DUOX1: variants seen among roughly 807,000 people sequenced by gnomAD.
The protein encoded by DUOX1 is NADPH thyroid oxidase 1.
A neutral mutation model predicts 181.8 loss-of-function variants in DUOX1; 134 were observed. That is an observed-to-expected ratio of 0.74 (90% CI 0.64 to 0.85). The LOEUF (loss-of-function observed/expected upper bound fraction) is 0.85. DUOX1 is among the 40% of genes least tolerant of loss of function. DUOX1 has a pLI of 0.00. For missense variants in DUOX1, 1,814 were observed against 2,064.4 expected, an observed-to-expected ratio of 0.88 and a Z score of 2.35; for synonymous variants, 798 against 832.5, an observed-to-expected ratio of 0.96 and a Z score of 0.71.
At chr15:45,163,419 T>G (rs1325383380) in intron 31 of DUOX1, 113 bp from the exon 32 acceptor site, 6 of 1,479,510 alleles carry the variant, frequency 4.1e-6, no homozygotes, top group Non-Finnish European at 4.6e-6. Context: ...CCAGGCTGTC[T>G]AGGGAAGGGC....
chr15:45,133,991 G>A lies in DUOX1; in HGVS notation c.142+44G>A, dbSNP rs370837543. ...GGGATAGAACCCCAGGGCCAGGGGG[G>A]TACTGAGTGCTGCGGGGCAAGAGCT... On this transcript the variant is annotated intron_variant, in intron 3 of 33. Transcript: ENST00000389037. The A allele has an allele frequency of 5.7e-5, 91 of 1,605,614 alleles. No individual in the cohort carries two copies. The Admixed American group carries it at 7.9e-4, about 14-fold the overall frequency.
At chr15:45,135,079 G>A (rs34343605) in intron 4 of DUOX1, 25 bp from the exon 5 acceptor site, 5 of 1,607,412 alleles carry the variant, frequency 3.1e-6, no homozygotes, top group East Asian at 2.3e-5. Context: ...GCTTGCCCTA[G>A]CACCCCCTCC....
Position 45,148,441 on chromosome 15 carries a change from G to A in DUOX1, c.2812G>A (p.Val938Ile). The A allele has an allele frequency of 6.2e-7, 1 of 1,611,162 alleles. No homozygotes were observed. Among genetic ancestry groups the A allele is most frequent in the Non-Finnish European group, 8.5e-7 (1 of 1,177,970 alleles). Residue 938 changes from valine (V) to isoleucine (I), a missense_variant, in exon 21 of 34, where the codon GTC (valine) becomes ATC (isoleucine). Physicochemically the swap from Val to Ile is conservative, Grantham distance 29. Around this residue, in one of 5 missense-constraint regions of DUOX1, gnomAD observed 1,064 missense variants for 1,152.9 expected, o/e 0.92. Transcript: ENST00000389037. ...CGAGCTCCGCTTCACGCAGCTCTGTGTCAAAGGTGGGGCAGCCTGGTAGGC... is the reference window on the plus strand; with the variant it reads ...CGAGCTCCGCTTCACGCAGCTCTGTATCAAAGGTGGGGCAGCCTGGTAGGC... ...NSELRFTQLC[V>I]KGVEVPEVIK...
At chr15:45,158,242 C>CT (rs1482887665) in intron 28 of DUOX1, among the ~76,000 whole-genome samples, 1 of 152,160 alleles carries the variant, frequency 6.6e-6, no homozygotes, top group African/African-American at 2.4e-5. Flanking sequence ...CTCAGAAAGC[C>CT]TTAGGGGTGG....
chr15:45,148,072 A>G, intron 20 of DUOX1, 75 bp downstream of exon 20: 2 of 1,457,116 alleles, frequency 1.4e-6, no homozygotes, highest in African/African-American at 1.4e-5. Context: ...CCTGAAGGAG[A>G]GAGCAGAAGG....
chr15:45,152,259 G>A (rs750680507), intron 24 of DUOX1, 27 bp from the exon 25 acceptor site: 8 of 1,599,566 alleles, frequency 5.0e-6, no homozygotes, highest in Non-Finnish European at 6.0e-6. Flanking sequence ...ACTGACCCTC[G>A]CTTGCCTGCC....
chr15:45,151,320 T>G (rs1004528974), intron 23 of DUOX1, 72 bp downstream of exon 23: 1 of 1,568,754 alleles, frequency 6.4e-7, no homozygotes, highest in Non-Finnish European at 8.7e-7. Flanking sequence ...TTTTCCTTGG[T>G]GCCAGGCACT....
chr15:45,151,875 G>A lies in DUOX1; in HGVS notation c.3016G>A (p.Val1006Ile), dbSNP rs1355065931. Residue 1006 changes from valine (V) to isoleucine (I), a missense_variant and splice_region_variant, in exon 24 of 34, where the codon GTA (valine) becomes ATA (isoleucine). By Grantham distance (29) the Val-to-Ile change is conservative. Around this residue, in one of 5 missense-constraint regions of DUOX1, gnomAD observed 1,064 missense variants for 1,152.9 expected, o/e 0.92. Transcript: ENST00000389037. ...QEIRRRFGKK[V>I]TSFQPLLFTE... ...AGGCTAAGGCTTCCTGTCTCCCAGG[G>A]TAACGTCATTCCAGCCCTTGCTGTT... The A allele has an allele frequency of 1.2e-6, 2 of 1,611,550 alleles. No individual in the cohort carries two copies. The highest frequency in any genetic ancestry group is 2.7e-5 in the African/African-American group (2 of 74,728).
intron 33 of DUOX1, 135 bp from the exon 34 acceptor site, chr15:45,164,643 TA>T: frequency 2.1e-6 from 2 of 956,380 alleles, no homozygotes; most frequent in Non-Finnish European, 3.2e-6. Context: ...TAATTAAAAA[TA>T]AAAAAATTAG....
In DUOX1 at chr15:45,164,774, A is replaced by G; in HGVS notation, c.4534-5A>G. 1.2e-6 allele frequency: 2 copies of G among 1,614,212 alleles called. No homozygotes were observed. The highest frequency in any genetic ancestry group is 1.7e-6 in the Non-Finnish European group (2 of 1,180,028). ...GTTAGCCTCCACTTATTCCTCCTGCAACAGGTCCGGAAGATCGGGGTGTTT... is the reference window on the plus strand; with the variant it reads ...GTTAGCCTCCACTTATTCCTCCTGCGACAGGTCCGGAAGATCGGGGTGTTT... On this transcript the variant is annotated splice_polypyrimidine_tract_variant and splice_region_variant and intron_variant, in intron 33 of 33. Coordinates refer to ENST00000389037, the MANE Select transcript of DUOX1 (RefSeq NM_175940.3).
At chr15:45,139,919 G>A (rs949668077) in intron 12 of DUOX1, 5 of 638,364 alleles carry the variant, frequency 7.8e-6, no homozygotes, top group Non-Finnish European at 1.4e-5. Context: ...CTTGACTTAG[G>A]AACAATCTGT....
At position 45,134,259 on chromosome 15, in the gene DUOX1, C is replaced by T. The variant is rs2141251734; in HGVS notation, c.257C>T (p.Pro86Leu). ...CTTAGCAACACCATCTCAAGGGGCC[C>T]TGCAGGGCTGGCCTCCCTGAGAAAC... is the stretch of plus-strand genomic sequence containing the variant. ...RDLSNTISRG[P>L]AGLASLRNRT... is the part of the protein sequence containing the mutation. Residue 86 changes from proline (P) to leucine (L), a missense_variant, in exon 4 of 34, where the codon CCT becomes CTT. By Grantham distance (98) the Pro-to-Leu change is moderately conservative. This residue lies in a region of DUOX1 where 320 missense variants were observed against 313.1 expected (regional missense o/e 1.02). Transcript: ENST00000389037. 6.2e-7 allele frequency: 1 copy of T among 1,600,420 alleles called. No homozygotes were observed.
rs1310843441 is a variant in DUOX1, at chr15:45,135,219, C to A, written c.423C>A (p.Asp141Glu). 2.5e-6 allele frequency: 4 copies of A among 1,613,456 alleles called. No individual in the cohort carries two copies. In the African/African-American group the frequency reaches 5.3e-5, roughly 22 times the overall value. Reference sequence around the variant, plus strand: ...TGTTCGACCCCGACCAGCGCGGGGACGTGGTGCTGCCCTTCCAGAGAAGCC... The same window carrying A: ...TGTTCGACCCCGACCAGCGCGGGGAAGTGGTGCTGCCCTTCCAGAGAAGCC... ...DPMFDPDQRG[D>E]VVLPFQRSRW... Residue 141 changes from aspartate (D) to glutamate (E), a missense_variant, in exon 5 of 34, where the codon GAC becomes GAA. Around this residue, in one of 5 missense-constraint regions of DUOX1, gnomAD observed 320 missense variants for 313.1 expected, o/e 1.02. Transcript: ENST00000389037.
chr15:45,141,025 G>C lies in DUOX1; in HGVS notation c.1520G>C (p.Arg507Pro). Residue 507 changes from arginine to proline, a missense_variant, in exon 13 of 34, where the codon CGG becomes CCG. This residue lies in a region of DUOX1 where 1,064 missense variants were observed against 1,152.9 expected (regional missense o/e 0.92). Coordinates refer to ENST00000389037, the MANE Select transcript of DUOX1 (RefSeq NM_175940.3). Reference protein sequence around the residue: ...FSTIVLEQFVRLRDGDRYWFE... With the variant: ...FSTIVLEQFVPLRDGDRYWFE... Reference sequence around the variant, plus strand: ...ACCATCGTCCTTGAACAATTTGTGCGGCTACGGGATGGTGACCGCTACTGG... The same window carrying C: ...ACCATCGTCCTTGAACAATTTGTGCCGCTACGGGATGGTGACCGCTACTGG... 6.2e-7 allele frequency: 1 copy of C among 1,614,170 alleles called. No homozygotes were observed.
intron 16 of DUOX1, among the ~76,000 whole-genome samples, 200 bp from the exon 17 acceptor site, chr15:45,143,836 T>C (rs62025132): frequency 0.2 from 29,818 of 152,196 alleles, 3,398 homozygotes; most frequent in South Asian, 0.37. Flanking sequence ...TAGAAAACAT[T>C]CAGGAAATGA....
intron 12 of DUOX1, 106 bp from the exon 13 acceptor site, chr15:45,140,789 T>C: frequency 1.8e-6 from 2 of 1,141,790 alleles, no homozygotes; most frequent in Non-Finnish European, 2.5e-6. Flanking sequence ...TTACTGTTAC[T>C]GTCATTTATT....
At chr15:45,138,379 C>G (rs764432735) in intron 10 of DUOX1, among the ~76,000 whole-genome samples, 1 of 152,090 alleles carries the variant, frequency 6.6e-6, no homozygotes, top group African/African-American at 2.4e-5. Context: ...TGGAGTACCC[C>G]AACTAGTCTC....
At chr15:45,139,261 G>A in intron 11 of DUOX1, 93 bp downstream of exon 11, 1 of 1,606,490 alleles carries the variant, frequency 6.2e-7, no homozygotes, top group Non-Finnish European at 8.5e-7. Context: ...GGGGGTGCCT[G>A]GGGCTGGGAG....
At chr15:45,141,751 C>CGT (rs5812287) in intron 14 of DUOX1, among the ~76,000 whole-genome samples, 6,668 of 148,636 alleles carry the variant, frequency 0.045, 382 homozygotes, top group East Asian at 0.28. Context: ...GTGAGGGAAG[C>CGT]GTGTGTGTGT....
Sources: gnomAD v4.1 joint callset for allele counts (sites outside exome capture counted in the v4.1 genomes callset) on GRCh38, gnomAD v4.1.1 for gene constraint, gnomAD v4.1.1 regional missense constraint, MANE v1.5 for transcripts, NCBI Gene and HGNC (gene_info 2026-07-23, HGNC 2026-07-21) for gene names.